The following PAPOLA variants were observed in gnomAD, a reference collection of about 807,000 sequenced individuals.
PAPOLA encodes the protein polynucleotide adenylyltransferase alpha.
PAPOLA carries 15 observed loss-of-function variants against 100.6 expected under a neutral mutation model. That is an observed-to-expected ratio of 0.15 (90% CI 0.10 to 0.23). The LOEUF is 0.23. Ranked by LOEUF, PAPOLA falls within the 10% of genes least tolerant of loss-of-function variation. The pLI is 1.00. For synonymous variants in PAPOLA, 293 were observed against 300.0 expected (o/e 0.98, Z 0.24); for missense variants, 533 against 884.2 (o/e 0.60, Z 5.04).
intron 11 of PAPOLA, among the ~76,000 whole-genome samples, chr14:96,536,279 G>A (rs1211999468): frequency 6.6e-6 from 1 of 152,110 alleles, no homozygotes; most frequent in East Asian, 1.9e-4. Flanking sequence ...AATGATAACA[G>A]TTTGTCTACA....
chr14:96,532,886 T>C, intron 9 of PAPOLA: 1 of 1,207,228 alleles, frequency 8.3e-7, no homozygotes, highest in Non-Finnish European at 1.0e-6. Context: ...AAACTTACCC[T>C]CTGAATAAAC....
chr14:96,504,108 G>T (rs919955511), intron 1 of PAPOLA, among the ~76,000 whole-genome samples: 24 of 152,178 alleles, frequency 1.6e-4, no homozygotes, highest in African/African-American at 5.8e-4. Flanking sequence ...GTGTTTCTCA[G>T]TTCAATAGGA....
At position 96,520,169 on chromosome 14, in the gene PAPOLA, A is replaced by C. The variant is rs1237111634; in HGVS notation, c.123A>C (p.Lys41Asn). 9.9e-6 allele frequency: 16 copies of C among 1,613,942 alleles called. No individual in the cohort carries two copies. The highest frequency in any genetic ancestry group is 1.3e-5 in the Non-Finnish European group (15 of 1,179,932). Residue 41 changes from lysine (K) to asparagine (N), a missense_variant, in exon 2 of 22, where the codon AAA (lysine) becomes AAC (asparagine). By Grantham distance (94) the Lys-to-Asn change is moderately conservative. Transcript: ENST00000216277. ...PKETDCVLTQ[K>N]LIETLKPFGV... ...AGACTGACTGCGTACTTACACAGAA[A>C]CTAATTGAGACATTGAAACCCTTTG...
chr14:96,522,108 C>CTT (rs1566840969), intron 3 of PAPOLA, among the ~76,000 whole-genome samples: 12 of 98,330 alleles, frequency 1.2e-4, no homozygotes, highest in South Asian at 1.2e-3. Context: ...TAGCCTCTTT[C>CTT]TTTCTTTCTT....
At chr14:96,520,949 A>G (rs1487204582) in intron 2 of PAPOLA, 57 bp from the exon 3 acceptor site, 1 of 853,056 alleles carries the variant, frequency 1.2e-6, no homozygotes, top group Non-Finnish European at 2.0e-6. Flanking sequence ...TTAAAACTTT[A>G]AGAAATTTAA....
chr14:96,512,902 G>A (rs1897200031), intron 1 of PAPOLA, among the ~76,000 whole-genome samples: 1 of 152,168 alleles, frequency 6.6e-6, no homozygotes, highest in African/African-American at 2.4e-5. Flanking sequence ...AATGAACTAA[G>A]TACCAAAGAA....
intron 12 of PAPOLA, among the ~76,000 whole-genome samples, chr14:96,538,751 G>A (rs1370441198): frequency 6.6e-6 from 1 of 151,908 alleles, no homozygotes; most frequent in Non-Finnish European, 1.5e-5. Flanking sequence ...TAGGCTTTTG[G>A]AGGTGTTCAC....
At chr14:96,503,106 G>A (rs1445302753) in intron 1 of PAPOLA, among the ~76,000 whole-genome samples, 1 of 152,158 alleles carries the variant, frequency 6.6e-6, no homozygotes, top group Non-Finnish European at 1.5e-5. Flanking sequence ...TGCCTGTCTT[G>A]TGCGCCGGAG....
intron 3 of PAPOLA, 133 bp from the exon 4 acceptor site, chr14:96,525,177 T>C (rs1771565463): frequency 1.7e-6 from 1 of 572,430 alleles, no homozygotes; most frequent in African/African-American, 2.0e-5. Flanking sequence ...AGAACTTTTA[T>C]AGACTTTGAA....
At chr14:96,555,287 G>C (rs1901219062) in intron 17 of PAPOLA, among the ~76,000 whole-genome samples, 1 of 148,714 alleles carries the variant, frequency 6.7e-6, no homozygotes, top group Non-Finnish European at 1.5e-5. Flanking sequence ...TGTTGTCCGG[G>C]CTAGTTTCAG....
chr14:96,510,877 C>G (rs964837278), intron 1 of PAPOLA, among the ~76,000 whole-genome samples: 1 of 152,076 alleles, frequency 6.6e-6, no homozygotes, highest in African/African-American at 2.4e-5. Context: ...ATGCCGTATA[C>G]CTTGTGAAAA....
At chr14:96,542,915 TTTC>T (rs1239205054) in intron 14 of PAPOLA, 22 bp downstream of exon 14, 1 of 1,607,448 alleles carries the variant, frequency 6.2e-7, no homozygotes, top group African/African-American at 1.3e-5. Context: ...TCTAATTTAA[TTTC>T]TTCTTCCCAT....
intron 3 of PAPOLA, among the ~76,000 whole-genome samples, 194 bp downstream of exon 3, chr14:96,521,266 G>T (rs1057327716): frequency 6.6e-6 from 1 of 152,000 alleles, no homozygotes; most frequent in Non-Finnish European, 1.5e-5. Flanking sequence ...TGAGTTAAGC[G>T]ATTTTTAAAA....
At chr14:96,506,382 A>G (rs931689046) in intron 1 of PAPOLA, among the ~76,000 whole-genome samples, 1 of 152,186 alleles carries the variant, frequency 6.6e-6, no homozygotes, top group African/African-American at 2.4e-5. Flanking sequence ...GAGCACTTGT[A>G]TGTTGATTTG....
At chr14:96,556,963 GT>G (rs1354607883) in intron 19 of PAPOLA, among the ~76,000 whole-genome samples, 1 of 152,140 alleles carries the variant, frequency 6.6e-6, no homozygotes, top group African/African-American at 2.4e-5. Context: ...TTGCATTTTT[GT>G]TTTTTAACTC....
At chr14:96,532,944 C>CA (rs1221174631) in intron 9 of PAPOLA, 1 of 1,081,888 alleles carries the variant, frequency 9.2e-7, no homozygotes, top group Non-Finnish European at 1.1e-6. Context: ...GTTGGGAAAT[C>CA]AGTTACTATA....
At chr14:96,550,804 A>G (rs1900788256) in intron 16 of PAPOLA, among the ~76,000 whole-genome samples, 1 of 152,226 alleles carries the variant, frequency 6.6e-6, no homozygotes, top group East Asian at 1.9e-4. Context: ...GCTTAATAAC[A>G]AGTGTCTAGG....
intron 15 of PAPOLA, 83 bp from the exon 16 acceptor site, chr14:96,547,714 A>G: frequency 1.9e-6 from 2 of 1,039,816 alleles, no homozygotes; most frequent in Non-Finnish European, 2.8e-6. Flanking sequence ...AAGGATCCCT[A>G]CTTAGAATAG....
chr14:96,528,660 G>C (rs1160040557), intron 6 of PAPOLA, among the ~76,000 whole-genome samples: 6 of 152,202 alleles, frequency 3.9e-5, no homozygotes, highest in Non-Finnish European at 5.9e-5. Flanking sequence ...AGCTGCTACA[G>C]GAGGATCTCT....
Sources: allele counts gnomAD v4.1 joint callset (sites outside exome capture counted in the v4.1 genomes callset), GRCh38; gene constraint gnomAD v4.1.1; transcripts MANE v1.5; gene names NCBI Gene and HGNC (gene_info 2026-07-23, HGNC 2026-07-21).